The following OSBPL5 variants were observed in gnomAD, a reference collection of about 807,000 sequenced individuals.
The protein encoded by OSBPL5 is oxysterol binding protein like 5, also known as oxysterol-binding protein-related protein 5.
A neutral mutation model predicts 111.2 loss-of-function variants in OSBPL5; 71 were observed. The ratio of observed to expected loss-of-function variants is 0.64; its 90% CI spans 0.53 to 0.78. OSBPL5 has a LOEUF of 0.78. Among genes scored for constraint, OSBPL5 ranks in the 30% least tolerant of loss-of-function variants. The probability of loss-of-function intolerance (pLI) is 0.00; values close to 1 mark genes in which losing one functional copy is unlikely to be tolerated. For synonymous variants in OSBPL5, 549 were observed against 513.9 expected (o/e 1.07, Z -0.93); for missense variants, 1,210 against 1,189.3 (o/e 1.02, Z -0.26).
Position 3,093,648 on chromosome 11 carries a change from T to TA in OSBPL5, c.1824dup (p.Ile609TyrfsTer75). 6.2e-7 allele frequency: 1 copy of TA among 1,613,218 alleles called. No individual in the cohort carries two copies. The highest frequency in any genetic ancestry group is 8.5e-7 in the Non-Finnish European group (1 of 1,179,956). On this transcript the variant is annotated frameshift_variant, in exon 17 of 22. Transcript: ENST00000263650. LOFTEE classifies it high-confidence loss of function. ...CTGCTTCCGCTCCCTTCCTCCTTGA[T>TA]AAACACGTCCCTGTCCTGCCCCAGA...
chr11:3,115,731 C>A (rs991018302), intron 7 of OSBPL5, among the ~76,000 whole-genome samples: 21 of 152,200 alleles, frequency 1.4e-4, no homozygotes, highest in African/African-American at 5.1e-4. Context: ...GTTATAAAGG[C>A]TTATGGAAGT....
chr11:3,148,146 G>A (rs1170165231), intron 1 of OSBPL5, among the ~76,000 whole-genome samples: 1 of 152,220 alleles, frequency 6.6e-6, no homozygotes, highest in Admixed American at 6.5e-5. Flanking sequence ...GTCTGACCAC[G>A]ATGTGTATAC....
In OSBPL5 at chr11:3,126,093, G is replaced by A. The variant is rs1045746787; in HGVS notation, c.219+380C>T. 3.9e-5 allele frequency among the ~76,000 whole-genome samples: 6 copies of A among 152,306 alleles called. No individual in the cohort carries two copies. The highest frequency in any genetic ancestry group is 3.9e-4 in the East Asian group (2 of 5,184). ...GGTGGCCATGTAAGATGGTGCAGCC[G>A]CTGGGAAAGGAGTTTGGCAGTTCCT... On this transcript the variant is annotated intron_variant, in intron 3 of 21. Coordinates refer to ENST00000263650, the MANE Select transcript of OSBPL5 (RefSeq NM_020896.4). This position sits in a 1 kb window ranked among gnomAD's most constrained non-coding sequence, Gnocchi z 6.5.
chr11:3,089,741 AC>A (rs1564818574), intron 21 of OSBPL5, 104 bp downstream of exon 21: 10 of 1,051,008 alleles, frequency 9.5e-6, no homozygotes, highest in African/African-American at 1.6e-5. Flanking sequence ...TCCGATGACA[AC>A]CCCAGCCGCG....
intron 1 of OSBPL5, among the ~76,000 whole-genome samples, chr11:3,132,004 TTCAGGCATCCATCCATCCATCCATC>T (rs1845827610): frequency 1.8e-5 from 1 of 56,812 alleles, no homozygotes; most frequent in African/African-American, 9.1e-5. Flanking sequence ...CTCCCTCCCT[TTCAGGCATCCATCCATCCATCCATC>T]CATCCATCCA....
rs781350724 is a variant in OSBPL5 at position 3,092,429 on chromosome 11, G to A, written c.2259+3C>T. On this transcript the variant is annotated splice_donor_region_variant and intron_variant, in intron 19 of 21. Transcript: ENST00000263650. The surrounding 1 kb of genome is among the most constrained non-coding windows in gnomAD (Gnocchi z 5.4). ...CCCTGGGTGGGGCCTGTGGGGTGCTGACCTCGTGCCTGGGCCCTGGGCTGC... is the reference window on the plus strand; with the variant it reads ...CCCTGGGTGGGGCCTGTGGGGTGCTAACCTCGTGCCTGGGCCCTGGGCTGC... 4 of 1,576,156 alleles carry A rather than the reference G, an allele frequency of 2.5e-6. No homozygotes were observed. The highest frequency in any genetic ancestry group is 2.6e-6 in the Non-Finnish European group (3 of 1,160,446).
intron 11 of OSBPL5, 35 bp downstream of exon 11, chr11:3,103,204 C>T (rs773694756): frequency 2.8e-5 from 44 of 1,558,072 alleles, no homozygotes; most frequent in Non-Finnish European, 3.5e-5. Flanking sequence ...ACTCCTGGGC[C>T]GGAGCCCCAC....
At chr11:3,103,868 C>A (rs76519818) in intron 10 of OSBPL5, among the ~76,000 whole-genome samples, 41 of 64,790 alleles carry the variant, frequency 6.3e-4, no homozygotes, top group South Asian at 1.9e-3. Context: ...GCGCAGCCCC[C>A]TTCCTGCCTC....
chr11:3,115,464 T>C (rs571663549), intron 7 of OSBPL5, among the ~76,000 whole-genome samples: 21 of 152,300 alleles, frequency 1.4e-4, no homozygotes, highest in Non-Finnish European at 2.2e-4. Context: ...TCAGGCCCGG[T>C]AGAAGATGCC....
At chr11:3,144,271 G>A (rs1042546592) in intron 1 of OSBPL5, among the ~76,000 whole-genome samples, 1 of 152,188 alleles carries the variant, frequency 6.6e-6, no homozygotes, top group East Asian at 1.9e-4. Context: ...CTGACAATGA[G>A]AGCCCCAGGG....
rs895621146 is a variant in OSBPL5 at position 3,141,492 on chromosome 11, G to T, written c.-21-12323C>A. ...GAAATGGGGGGGGTCTCAAACAGAA[G>T]GACCCCCAATCTGTCTTCCGCTGTG... On this transcript the variant is annotated intron_variant, in intron 1 of 21. Coordinates refer to ENST00000263650, the MANE Select transcript of OSBPL5 (RefSeq NM_020896.4). This position sits in a 1 kb window ranked among gnomAD's most constrained non-coding sequence, Gnocchi z 6.5. 3.9e-5 allele frequency among the ~76,000 whole-genome samples: 6 copies of T among 152,124 alleles called. No individual in the cohort carries two copies. Among genetic ancestry groups the T allele is most frequent in the Admixed American group, 6.5e-5 (1 of 15,272 alleles).
rs34527841 is a variant in OSBPL5, at chr11:3,089,907, G to A, written c.2440C>T (p.Arg814Trp). The change falls in exon 21 of 22, where the codon CGG (arginine) becomes TGG (tryptophan). Residue 814 changes from arginine (R) to tryptophan (W), a missense_variant. Arg to Trp is a moderately radical substitution (Grantham distance 101). Transcript: ENST00000263650. ...PCPRCRKEAR[R>W]LQALHEAILS... ...ATGGCCTCGTGCAGGGCCTGCAGCC[G>A]CCGCGCCTCCTTCCTGCACCGAGGG... 36 of 1,566,048 alleles carry A rather than the reference G, an allele frequency of 2.3e-5. No homozygotes were observed. In the African/African-American group the frequency reaches 2.4e-4, roughly 11 times the overall value.
Position 3,094,246 on chromosome 11 carries a change from G to T in OSBPL5, c.1710C>A (p.Phe570Leu). The change falls in exon 15 of 22, where the codon TTC becomes TTA. Residue 570 changes from phenylalanine (F) to leucine (L), a missense_variant. By Grantham distance (22) the Phe-to-Leu change is conservative. Coordinates refer to ENST00000263650, the MANE Select transcript of OSBPL5 (RefSeq NM_020896.4). Reference protein sequence around the residue: ...AKNNFQAQLEFKLKPFFGGST... With the variant: ...AKNNFQAQLELKLKPFFGGST... Reference sequence around the variant, plus strand: ...CTGCAGCCAGCGCTACCTTGAGTTTGAATTCCAGCTGGGCCTGGAAGTTGT... The same window carrying T: ...CTGCAGCCAGCGCTACCTTGAGTTTTAATTCCAGCTGGGCCTGGAAGTTGT... 1 of 1,613,414 alleles carries T rather than the reference G, an allele frequency of 6.2e-7. No individual in the cohort carries two copies. The highest frequency in any genetic ancestry group is 1.1e-5 in the South Asian group (1 of 91,034).
At chr11:3,143,815 G>A (rs1047066252) in intron 1 of OSBPL5, among the ~76,000 whole-genome samples, 8 of 152,210 alleles carry the variant, frequency 5.3e-5, no homozygotes, top group African/African-American at 1.7e-4. Flanking sequence ...TTGCTTTACT[G>A]CAGCCCAGGG....
chr11:3,103,880 G>GCAGCCCC (rs1564830843), intron 10 of OSBPL5, among the ~76,000 whole-genome samples: 452 of 21,952 alleles, frequency 0.021, 12 homozygotes, highest in South Asian at 0.054. Flanking sequence ...TCCTGCCTCT[G>GCAGCCCC]TAGCCCCATT....
rs941995718 is a variant in OSBPL5 at position 3,154,180 on chromosome 11, C to T, written c.-22+11036G>A. Among the ~76,000 whole-genome samples the T allele has an allele frequency of 9.8e-5, 15 of 152,342 alleles. No individual in the cohort carries two copies. Among genetic ancestry groups the T allele is most frequent in the African/African-American group, 3.1e-4 (13 of 41,590 alleles). On this transcript the variant is annotated intron_variant, in intron 1 of 21. Coordinates refer to ENST00000263650, the MANE Select transcript of OSBPL5 (RefSeq NM_020896.4). This position sits in a 1 kb window ranked among gnomAD's most constrained non-coding sequence, Gnocchi z 4.9. ...GTGTTTGCTAGACTGGGCCAGAGGG[C>T]AAAGGTGAAGGGGCGGCTGACACAC...
intron 14 of OSBPL5, among the ~76,000 whole-genome samples, chr11:3,095,635 C>T (rs957701382): frequency 2.0e-5 from 3 of 152,114 alleles, no homozygotes; most frequent in African/African-American, 4.8e-5. Context: ...TCAAATAATA[C>T]GTGGCAATAA....
Position 3,088,262 on chromosome 11 carries a change from C to CA in OSBPL5, c.2582_2583insT (p.Trp861CysfsTer15). On this transcript the variant is annotated frameshift_variant, in exon 22 of 22. Coordinates refer to ENST00000263650, the MANE Select transcript of OSBPL5 (RefSeq NM_020896.4). LOFTEE classifies it high-confidence loss of function. ...ACGCCAGGAACACGCAGAGCAGGAA[C>CA]CAGGATCGGGGGCTCTGCAGGAGGC... The CA allele has an allele frequency of 6.2e-7, 1 of 1,606,922 alleles. No individual in the cohort carries two copies. The highest frequency in any genetic ancestry group is 8.5e-7 in the Non-Finnish European group (1 of 1,176,846).
chr11:3,130,354 C>A lies in OSBPL5; in HGVS notation c.-21-1185G>T, dbSNP rs1590694205. Among the ~76,000 whole-genome samples, 1 of 152,254 alleles carries A rather than the reference C, an allele frequency of 6.6e-6. No individual in the cohort carries two copies. Among genetic ancestry groups the A allele is most frequent in the East Asian group, 1.9e-4 (1 of 5,196 alleles). On this transcript the variant is annotated intron_variant, in intron 1 of 21. Transcript: ENST00000263650. This position sits in a 1 kb window ranked among gnomAD's most constrained non-coding sequence, Gnocchi z 4.5. The stretch of plus-strand genomic sequence containing the variant: ...TGCCTCAGGGCAGGCCAGTGGCATC[C>A]TGCCAAGCCCGGGACAAAGGCCTCG...
Sources: allele counts gnomAD v4.1 joint callset (sites outside exome capture counted in the v4.1 genomes callset), GRCh38; gene constraint gnomAD v4.1.1; non-coding constraint Gnocchi (gnomAD v3.1); transcripts MANE v1.5; gene names NCBI Gene and HGNC (gene_info 2026-07-23, HGNC 2026-07-21).